The following NEDD4L variants were observed in gnomAD, a reference collection of about 807,000 sequenced individuals.
NEDD4L encodes the protein E3 ubiquitin-protein ligase NEDD4-like.
Under a neutral mutation model 148.9 loss-of-function variants are expected in NEDD4L, and 54 were observed. That is an observed-to-expected ratio of 0.36 (90% CI 0.29 to 0.45). The LOEUF (loss-of-function observed/expected upper bound fraction) is 0.45. NEDD4L is among the 20% of genes least tolerant of loss of function. The pLI, the probability that NEDD4L is intolerant of heterozygous loss-of-function variation, is 1.00. For synonymous variants in NEDD4L, 433 were observed against 440.7 expected (o/e 0.98, Z 0.22); for missense variants, 856 against 1,233.8 (o/e 0.69, Z 4.59).
chr18:58,335,361 A>G, intron 12 of NEDD4L, 117 bp from the exon 13 acceptor site: 1 of 791,474 alleles, frequency 1.3e-6, no homozygotes, highest in Non-Finnish European at 2.2e-6. Flanking sequence ...GGTGGGTTTC[A>G]GGGATTCTGA....
intron 5 of NEDD4L, among the ~76,000 whole-genome samples, chr18:58,265,754 G>T (rs893959579): frequency 6.6e-6 from 1 of 152,002 alleles, no homozygotes; most frequent in African/African-American, 2.4e-5. Context: ...GTAGAGATGG[G>T]GGTCTTACTA....
chr18:58,317,769 C>T (rs979556761), intron 6 of NEDD4L, among the ~76,000 whole-genome samples: 2 of 152,098 alleles, frequency 1.3e-5, no homozygotes, highest in African/African-American at 2.4e-5. Flanking sequence ...AGAAGCCAGC[C>T]GATTGCAGAG....
At chr18:58,163,634 C>T (rs946985640) in intron 1 of NEDD4L, among the ~76,000 whole-genome samples, 3 of 152,224 alleles carry the variant, frequency 2.0e-5, no homozygotes, top group South Asian at 2.1e-4. Flanking sequence ...TTTGAAAGAA[C>T]ATTGGCACAA....
chr18:58,072,901 C>CACACACA (rs2082954056), intron 1 of NEDD4L, among the ~76,000 whole-genome samples: 1 of 147,744 alleles, frequency 6.8e-6, no homozygotes, highest in African/African-American at 2.7e-5. Context: ...CACACACACA[C>CACACACA]ACACAAATCT....
intron 1 of NEDD4L, among the ~76,000 whole-genome samples, chr18:58,126,484 A>G (rs553110067): frequency 3.4e-4 from 52 of 152,088 alleles, no homozygotes; most frequent in Admixed American, 1.2e-3. Flanking sequence ...TTTATGGCAG[A>G]TAATAGCCCA....
chr18:58,315,833 G>T (rs1469436494), intron 5 of NEDD4L, 149 bp from the exon 6 acceptor site: 9 of 749,956 alleles, frequency 1.2e-5, no homozygotes, highest in Non-Finnish European at 1.9e-5. Flanking sequence ...CCGGGGTGTG[G>T]TTACTCGTGT....
chr18:58,364,297 G>A lies in NEDD4L; in HGVS notation c.1797G>A (p.Gln599=). The A allele has an allele frequency of 1.9e-6, 3 of 1,561,686 alleles. No individual in the cohort carries two copies. The highest frequency in any genetic ancestry group is 2.6e-6 in the Non-Finnish European group (3 of 1,150,928). Residue 599 remains glutamine (Q), a synonymous_variant, in exon 20 of 31, where the codon CAG becomes CAA. Transcript: ENST00000400345. The part of the protein sequence containing the change: ...PAVPYSREFK[Q]KYDYFRKKLK... ...TCCCTTACTCCAGAGAATTTAAGCAGAAATATGACTACTTCAGGAAGAAAT... is the reference window on the plus strand; with the variant it reads ...TCCCTTACTCCAGAGAATTTAAGCAAAAATATGACTACTTCAGGAAGAAAT...
At chr18:58,167,124 G>T (rs183685118) in intron 2 of NEDD4L, among the ~76,000 whole-genome samples, 1 of 152,346 alleles carries the variant, frequency 6.6e-6, no homozygotes, top group African/African-American at 2.4e-5. Flanking sequence ...ACTAATGGAG[G>T]CTTAGGACTC....
intron 1 of NEDD4L, among the ~76,000 whole-genome samples, chr18:58,148,315 G>GT (rs1555707410): frequency 1.3e-5 from 2 of 151,698 alleles, no homozygotes; most frequent in Admixed American, 6.6e-5. Flanking sequence ...ACAGGCACAT[G>GT]CACTGTGTCT....
intron 2 of NEDD4L, among the ~76,000 whole-genome samples, chr18:58,217,341 T>C (rs1198974536): frequency 1.3e-5 from 2 of 152,364 alleles, no homozygotes; most frequent in East Asian, 3.9e-4. Context: ...TAGTTTCTCC[T>C]CTACTGTAGC....
intron 1 of NEDD4L, among the ~76,000 whole-genome samples, chr18:58,107,005 G>A (rs1484173999): frequency 6.6e-6 from 1 of 152,152 alleles, no homozygotes; most frequent in Non-Finnish European, 1.5e-5. Flanking sequence ...CTTGGATGTT[G>A]GAAGTCGAAG....
chr18:58,130,515 C>T (rs570737), intron 1 of NEDD4L, among the ~76,000 whole-genome samples: 4 of 110,648 alleles, frequency 3.6e-5, no homozygotes, highest in Admixed American at 9.2e-5. Flanking sequence ...TGTGATCTAG[C>T]GGAACTGTGG....
rs138345142 is a variant in NEDD4L at position 58,211,069 on chromosome 18, G to T, written c.123-34358G>T. 3.9e-5 allele frequency among the ~76,000 whole-genome samples: 6 copies of T among 152,044 alleles called. No homozygotes were observed. The South Asian group carries it at 1.2e-3, about 32-fold the overall frequency. ...CTAATATAGTACAATCTGAGAAAGC[G>T]AACTAGGAATAAAAATAAATTACTT... is the stretch of plus-strand genomic sequence containing the variant. On this transcript the variant is annotated intron_variant, in intron 2 of 30. Coordinates refer to ENST00000400345, the MANE Select transcript of NEDD4L (RefSeq NM_001144967.3).
At position 58,351,724 on chromosome 18, in the gene NEDD4L, A is replaced by C. The variant is rs1414748304; in HGVS notation, c.1708+679A>C. ...TGGAATCATATTTCTATGTCCCTTA[A>C]ATTTTCTGAAAAAGTATATTAAAAA... is the stretch of plus-strand genomic sequence containing the variant. On this transcript the variant is annotated intron_variant, in intron 18 of 30. Transcript: ENST00000400345. 2.0e-5 allele frequency among the ~76,000 whole-genome samples: 3 copies of C among 152,078 alleles called. No homozygotes were observed. The East Asian group carries it at 5.8e-4, about 29-fold the overall frequency.
At chr18:58,338,496 A>G (rs1434216601) in intron 13 of NEDD4L, among the ~76,000 whole-genome samples, 1 of 152,252 alleles carries the variant, frequency 6.6e-6, no homozygotes, top group East Asian at 1.9e-4. Context: ...AATGTAACTA[A>G]ATTACAGGTT....
intron 1 of NEDD4L, among the ~76,000 whole-genome samples, chr18:58,116,739 A>G (rs2085867664): frequency 6.6e-6 from 1 of 152,252 alleles, no homozygotes; most frequent in Non-Finnish European, 1.5e-5. Context: ...CTAACACAGA[A>G]CATGGAATTA....
intron 1 of NEDD4L, among the ~76,000 whole-genome samples, chr18:58,095,813 G>C (rs540833091): frequency 9.2e-5 from 14 of 152,184 alleles, no homozygotes; most frequent in Non-Finnish European, 1.8e-4. Flanking sequence ...CCGTGATCTA[G>C]AGCAAGCTTG....
intron 1 of NEDD4L, among the ~76,000 whole-genome samples, chr18:58,131,574 T>A (rs1441258035): frequency 6.6e-6 from 1 of 151,044 alleles, no homozygotes; most frequent in Non-Finnish European, 1.5e-5. Flanking sequence ...CTGTTGGATT[T>A]GGTTGGTTGT....
intron 1 of NEDD4L, among the ~76,000 whole-genome samples, chr18:58,152,015 G>T (rs1160359309): frequency 6.6e-6 from 1 of 151,992 alleles, no homozygotes; most frequent in Non-Finnish European, 1.5e-5. Flanking sequence ...GTGAGTTTGG[G>T]TTAAAAATTC....
Sources: gnomAD v4.1 joint callset for allele counts (sites outside exome capture counted in the v4.1 genomes callset) on GRCh38, gnomAD v4.1.1 for gene constraint, MANE v1.5 for transcripts, NCBI Gene and HGNC (gene_info 2026-07-23, HGNC 2026-07-21) for gene names.